The following AFF3 variants were observed in gnomAD, a reference collection of about 807,000 sequenced individuals.
The protein encoded by AFF3 is AF4/FMR2 family member 3.
AFF3 carries 32 observed loss-of-function variants against 129.7 expected under a neutral mutation model. The ratio of observed to expected loss-of-function variants is 0.25; its 90% CI spans 0.19 to 0.33. AFF3 has a LOEUF of 0.33. AFF3 is among the 10% of genes least tolerant of loss of function. The pLI, the probability that AFF3 is intolerant of heterozygous loss-of-function variation, is 1.00. For synonymous variants in AFF3, 644 were observed against 635.4 expected, an observed-to-expected ratio of 1.01 and a Z score of -0.20; for missense variants, 1,373 against 1,592.0, an observed-to-expected ratio of 0.86 and a Z score of 2.34.
At chr2:99,681,601 AAG>A (rs1273085105) in intron 11 of AFF3, among the ~76,000 whole-genome samples, 3 of 152,200 alleles carry the variant, frequency 2.0e-5, no homozygotes, top group African/African-American at 7.2e-5. Flanking sequence ...GTGCCCCTGT[AAG>A]AGAGACCTCA....
At chr2:99,910,516 G>T (rs929023562) in intron 7 of AFF3, among the ~76,000 whole-genome samples, 3 of 152,210 alleles carry the variant, frequency 2.0e-5, no homozygotes, top group Non-Finnish European at 4.4e-5. Context: ...GATGAAAACT[G>T]CTAATTATTA....
intron 7 of AFF3, among the ~76,000 whole-genome samples, chr2:99,866,558 T>G (rs13005475): frequency 0.51 from 77,290 of 151,904 alleles, 20,514 homozygotes; most frequent in African/African-American, 0.65. Context: ...GGGATTCCAA[T>G]CATTCTCCAG....
At chr2:100,087,283 T>C (rs1407937986) in intron 4 of AFF3, among the ~76,000 whole-genome samples, 15 of 152,188 alleles carry the variant, frequency 9.9e-5, no homozygotes. Context: ...TACATACTTA[T>C]ATAAATAATT....
At chr2:99,864,665 A>G (rs1691245789) in intron 7 of AFF3, among the ~76,000 whole-genome samples, 1 of 152,218 alleles carries the variant, frequency 6.6e-6, no homozygotes, top group African/African-American at 2.4e-5. Flanking sequence ...CGACAAACCA[A>G]CAATGAGCAA....
intron 7 of AFF3, among the ~76,000 whole-genome samples, chr2:99,945,046 G>T (rs1224333432): frequency 2.0e-5 from 3 of 152,144 alleles, no homozygotes; most frequent in East Asian, 3.9e-4. Context: ...AGTAACAAAG[G>T]CATGACCTGC....
At chr2:99,615,364 T>C (rs939945264) in intron 13 of AFF3, among the ~76,000 whole-genome samples, 2 of 152,250 alleles carry the variant, frequency 1.3e-5, no homozygotes, top group Admixed American at 1.3e-4. Context: ...CCGCCTGTCC[T>C]GGGCACTGTT....
rs528450606 is a variant in AFF3, at chr2:99,763,381, C to A, written c.922-11080G>T. On this transcript the variant is annotated intron_variant, in intron 8 of 24. Transcript: ENST00000672756. ...TGAAAAATAATAAATATAATGCATT[C>A]ATATCGATTAATATTAACAGGCCAG... 7.8e-4 allele frequency among the ~76,000 whole-genome samples: 118 copies of A among 152,244 alleles called. 1 individual carries two copies. Among genetic ancestry groups the A allele is most frequent in the Middle Eastern group, 3.4e-3 (1 of 294 alleles).
At chr2:99,970,696 T>C (rs1206837631) in intron 7 of AFF3, among the ~76,000 whole-genome samples, 6 of 152,168 alleles carry the variant, frequency 3.9e-5, no homozygotes, top group Non-Finnish European at 8.8e-5. Context: ...CCCTTTCCTA[T>C]TGGGGTCTAC....
intron 13 of AFF3, among the ~76,000 whole-genome samples, chr2:99,625,789 G>C (rs982299866): frequency 4.6e-5 from 7 of 152,180 alleles, no homozygotes; most frequent in Admixed American, 2.6e-4. Context: ...TATCATATGA[G>C]TCTATTTCAA....
Position 99,838,719 on chromosome 2 carries a change from A to G in AFF3, c.874-1195T>C, listed in dbSNP as rs537205499. Among the ~76,000 whole-genome samples the G allele has an allele frequency of 2.6e-5, 4 of 152,292 alleles. No homozygotes were observed. In the South Asian group the frequency reaches 8.3e-4, roughly 32 times the overall value. On this transcript the variant is annotated intron_variant, in intron 7 of 24. Coordinates refer to ENST00000672756, the MANE Select transcript of AFF3 (RefSeq NM_001386135.1). ...CTCCACACAGCATGGGGCACCCCCA[A>G]TAACTATTGGCTGGTGGTAGGTGTA... is the stretch of plus-strand genomic sequence containing the variant.
chr2:99,810,344 C>T (rs576547876), intron 8 of AFF3, among the ~76,000 whole-genome samples: 1 of 152,204 alleles, frequency 6.6e-6, no homozygotes, highest in Non-Finnish European at 1.5e-5. Context: ...TTAACCTCAC[C>T]ACACCTGTTC....
rs537070383 is a variant in AFF3, at chr2:99,789,855, T to C, written c.922-37554A>G. On this transcript the variant is annotated intron_variant, in intron 8 of 24. Coordinates refer to ENST00000672756, the MANE Select transcript of AFF3 (RefSeq NM_001386135.1). ...AGCGCAAGCTCTGCAAATTAAAAGA[T>C]GGCTACAAAATGATCTTCTTTGCAT... Among the ~76,000 whole-genome samples, 44 of 152,346 alleles carry C rather than the reference T, an allele frequency of 2.9e-4. 1 individual carries two copies. In the South Asian group the frequency reaches 8.7e-3, roughly 30 times the overall value.
chr2:100,081,549 C>G (rs1293665025), intron 4 of AFF3, among the ~76,000 whole-genome samples: 1 of 152,132 alleles, frequency 6.6e-6, no homozygotes, highest in East Asian at 1.9e-4. Context: ...GACCTGCACC[C>G]CCTCATCATC....
intron 4 of AFF3, among the ~76,000 whole-genome samples, chr2:100,065,935 G>A (rs888679916): frequency 6.6e-6 from 1 of 152,098 alleles, no homozygotes; most frequent in African/African-American, 2.4e-5. Flanking sequence ...CTCCAATCAT[G>A]CCAGCAGACA....
intron 7 of AFF3, among the ~76,000 whole-genome samples, chr2:99,980,620 C>A (rs780428487): frequency 1.3e-5 from 2 of 152,104 alleles, no homozygotes; most frequent in Non-Finnish European, 2.9e-5. Flanking sequence ...TTTAGTGCTC[C>A]CTGGGCAGTT....
intron 8 of AFF3, among the ~76,000 whole-genome samples, chr2:99,792,494 A>C (rs77852428): frequency 6.6e-5 from 10 of 151,458 alleles, no homozygotes; most frequent in South Asian, 2.1e-4. Flanking sequence ...AAACAAAACA[A>C]AAACAAACAA....
rs188921219 is a variant in AFF3, at chr2:99,581,151, A to G, written c.2793+1647T>C. ...TGCTCAGCACAGTGCCCAGCACGTA[A>G]TAAGTACTTACCGAATGAGCACCTC... On this transcript the variant is annotated intron_variant, in intron 17 of 24. Coordinates refer to ENST00000672756, the MANE Select transcript of AFF3 (RefSeq NM_001386135.1). 9.7e-3 allele frequency among the ~76,000 whole-genome samples: 1,479 copies of G among 152,352 alleles called. 7 individuals carry two copies. Among genetic ancestry groups the G allele is most frequent in the African/African-American group, 0.014 (574 of 41,586 alleles).
chr2:99,897,510 C>T (rs981695540), intron 7 of AFF3, among the ~76,000 whole-genome samples: 13 of 152,226 alleles, frequency 8.5e-5, no homozygotes, highest in Admixed American at 2.6e-4. Flanking sequence ...CAGACCCACT[C>T]GGGTCTCTCT....
chr2:100,011,909 G>T (rs965056317), intron 4 of AFF3, among the ~76,000 whole-genome samples: 3 of 152,124 alleles, frequency 2.0e-5, no homozygotes, highest in Non-Finnish European at 2.9e-5. Context: ...CTCTGAAAAT[G>T]TTGGAGGTGA....
Sources: allele counts gnomAD v4.1 joint callset (sites outside exome capture counted in the v4.1 genomes callset), GRCh38; gene constraint gnomAD v4.1.1; transcripts MANE v1.5; gene names NCBI Gene and HGNC (gene_info 2026-07-23, HGNC 2026-07-21).